CHLSN: variants seen among roughly 807,000 people sequenced by gnomAD.
CHLSN encodes the protein cholesin.
chr7:995,428 T>C, the CHLSN span, among the ~76,000 whole-genome samples: 1 of 152,220 alleles, frequency 6.6e-6, no homozygotes, highest in African/African-American at 2.4e-5. Flanking sequence ...TTCCCACTAA[T>C]GGTCGGTGAG....
chr7:988,432 G>A, the CHLSN span: 28 of 1,612,046 alleles, frequency 1.7e-5, no homozygotes, highest in Admixed American at 3.3e-5. Context: ...AGCAGCCCTC[G>A]GGGCCGGGGT....
At chr7:1,037,109 T>C in the CHLSN span, among the ~76,000 whole-genome samples, 1 of 147,256 alleles carries the variant, frequency 6.8e-6, no homozygotes, top group African/African-American at 2.4e-5. Context: ...AGACCCTGTC[T>C]CAAAAAAAAA....
the CHLSN span, among the ~76,000 whole-genome samples, chr7:1,011,411 A>ACG: frequency 2.0e-5 from 2 of 97,958 alleles, no homozygotes; most frequent in Admixed American, 1.0e-4. Context: ...ATACCCAAAC[A>ACG]CCCACAGACA....
At chr7:1,008,117 G>A in the CHLSN span, among the ~76,000 whole-genome samples, 5 of 152,208 alleles carry the variant, frequency 3.3e-5, no homozygotes, top group African/African-American at 9.7e-5. Context: ...CCTGCCAGTG[G>A]AGACAGGCAA....
At chr7:995,982 G>A in the CHLSN span, among the ~76,000 whole-genome samples, 7 of 152,332 alleles carry the variant, frequency 4.6e-5, no homozygotes, top group East Asian at 7.7e-4. Context: ...GGTCTCCTCC[G>A]GCCCCGAGTC....
At chr7:983,234 T>A in the CHLSN span, 1 of 1,527,610 alleles carries the variant, frequency 6.5e-7, no homozygotes, top group South Asian at 1.2e-5. Context: ...CTCTTGCTGT[T>A]CCTGGGCCTC....
chr7:1,126,388 A>G, the CHLSN span, among the ~76,000 whole-genome samples: 33 of 145,980 alleles, frequency 2.3e-4, no homozygotes, highest in Non-Finnish European at 4.4e-4. Context: ...AAAAAAGAAT[A>G]AAAATGCAGG....
chr7:1,114,022 C>A, the CHLSN span, among the ~76,000 whole-genome samples: 2 of 152,224 alleles, frequency 1.3e-5, no homozygotes, highest in Non-Finnish European at 2.9e-5. Flanking sequence ...AGTTAAATGT[C>A]CTCTTGTTGC....
At chr7:1,046,859 T>C in the CHLSN span, among the ~76,000 whole-genome samples, 1 of 152,122 alleles carries the variant, frequency 6.6e-6, no homozygotes, top group Non-Finnish European at 1.5e-5. Flanking sequence ...TGAGGAGAAA[T>C]AACCTGCTGG....
At chr7:1,100,932 C>A in the CHLSN span, among the ~76,000 whole-genome samples, 2 of 152,216 alleles carry the variant, frequency 1.3e-5, no homozygotes, top group Non-Finnish European at 2.9e-5. Flanking sequence ...AGGCACAGAG[C>A]CCCGTGCACC....
At chr7:1,000,513 G>A in the CHLSN span, 67 of 1,609,630 alleles carry the variant, frequency 4.2e-5, no homozygotes, top group African/African-American at 6.9e-4. Flanking sequence ...CGTCTGCCTC[G>A]TCTTCTGAAA....
chr7:1,091,362 T>A, the CHLSN span: 1 of 197,816 alleles, frequency 5.1e-6, no homozygotes. Context: ...GTCCCAAAGC[T>A]GGGGCCACTC....
At chr7:1,076,803 T>G in the CHLSN span, among the ~76,000 whole-genome samples, 989 of 152,338 alleles carry the variant, frequency 6.5e-3, 14 homozygotes, top group African/African-American at 0.023. Flanking sequence ...GCATGGGGAC[T>G]TGCACGCCTT....
chr7:1,123,202 G>A, the CHLSN span, among the ~76,000 whole-genome samples: 1 of 152,198 alleles, frequency 6.6e-6, no homozygotes, highest in Non-Finnish European at 1.5e-5. This position sits in a 1 kb window ranked among gnomAD's most constrained non-coding sequence, Gnocchi z 4.4. Flanking sequence ...CCCGGGCCAA[G>A]CCCACAGGCC....
the CHLSN span, among the ~76,000 whole-genome samples, chr7:1,022,672 C>T: frequency 5.9e-5 from 9 of 152,242 alleles, no homozygotes; most frequent in South Asian, 1.0e-3. Flanking sequence ...TCTTAATGAT[C>T]AGAAACACAC....
the CHLSN span, among the ~76,000 whole-genome samples, chr7:1,094,173 C>T: frequency 6.6e-6 from 1 of 152,256 alleles, no homozygotes; most frequent in Non-Finnish European, 1.5e-5. Flanking sequence ...GCTCCTGGAG[C>T]AGCCGGCCGG....
chr7:1,112,723 A>G, the CHLSN span, among the ~76,000 whole-genome samples: 1 of 150,192 alleles, frequency 6.7e-6, no homozygotes, highest in Non-Finnish European at 1.5e-5. Context: ...AAAAAAAAAA[A>G]GAAAAAGCGA....
the CHLSN span, among the ~76,000 whole-genome samples, chr7:1,070,825 A>ACACGTGAG: frequency 6.8e-6 from 1 of 147,318 alleles, no homozygotes; most frequent in African/African-American, 2.6e-5. Context: ...CCACACGTGC[A>ACACGTGAG]CACATATACA....
the CHLSN span, among the ~76,000 whole-genome samples, chr7:999,852 A>G: frequency 2.0e-4 from 31 of 152,340 alleles, no homozygotes; most frequent in East Asian, 3.3e-3. Context: ...GGACATGGGC[A>G]GCTCCAGCCC....
Sources: gnomAD v4.1 joint callset for allele counts (sites outside exome capture counted in the v4.1 genomes callset) on GRCh38, gnomAD v4.1.1 for gene constraint, Gnocchi (gnomAD v3.1) non-coding constraint, MANE v1.5 for transcripts, NCBI Gene and HGNC (gene_info 2026-07-23, HGNC 2026-07-21) for gene names.